Variants in ZNF333 observed in about 807,000 individuals in gnomAD.
ZNF333 encodes the protein zinc finger protein 333.
ZNF333 carries 61 observed loss-of-function variants against 76.1 expected under a neutral mutation model. The ratio of observed to expected loss-of-function variants is 0.80; its 90% CI spans 0.65 to 0.99. ZNF333 has a LOEUF of 0.99. ZNF333 is among the 50% of genes least tolerant of loss of function. ZNF333 has a pLI of 0.00. For synonymous variants in ZNF333, 284 were observed against 305.0 expected, an observed-to-expected ratio of 0.93 and a Z score of 0.72; for missense variants, 717 against 822.4, an observed-to-expected ratio of 0.87 and a Z score of 1.57.
At chr19:14,712,727 C>G (rs1448260608) in intron 7 of ZNF333, among the ~76,000 whole-genome samples, 1 of 152,064 alleles carries the variant, frequency 6.6e-6, no homozygotes, top group Non-Finnish European at 1.5e-5. Flanking sequence ...ATGGCTGTGT[C>G]ACCTCTGTGT....
chr19:14,693,718 C>T (rs1029401693), intron 2 of ZNF333, among the ~76,000 whole-genome samples: 5 of 152,170 alleles, frequency 3.3e-5, no homozygotes, highest in Admixed American at 1.3e-4. Context: ...GACCCTGGGG[C>T]TCTGAGCGGA....
chr19:14,709,260 C>T (rs1277239270), intron 7 of ZNF333: 1 of 152,280 alleles, frequency 6.6e-6, no homozygotes, highest in Non-Finnish European at 1.5e-5. Context: ...ATTCCCCAGT[C>T]TCAGGTAGTT....
At chr19:14,707,086 G>A (rs1414998306) in intron 7 of ZNF333, 1 of 289,096 alleles carries the variant, frequency 3.5e-6, no homozygotes, top group Non-Finnish European at 6.4e-6. Flanking sequence ...ACTAGAAATG[G>A]CCTGTGTTTT....
rs1043489102 is a variant in ZNF333, at chr19:14,701,754, C to A, written c.306+2473C>A. On this transcript the variant is annotated intron_variant, in intron 5 of 11. Coordinates refer to ENST00000292530, the MANE Select transcript of ZNF333 (RefSeq NM_032433.4). ...CATAATGGGTGCTGAGAGTGGCAGG[C>A]ATGGGGCTCTTGTTACATCAGAGCC... 1.3e-5 allele frequency: 13 copies of A among 985,558 alleles called. 1 individual carries two copies. Among genetic ancestry groups the A allele is most frequent in the Middle Eastern group, 5.2e-4 (1 of 1,914 alleles). The allele number at this position is 985,558 out of a possible 1,614,324, so 61.1% of individuals were successfully genotyped here.
chr19:14,696,276 C>T (rs1398176943), intron 4 of ZNF333, among the ~76,000 whole-genome samples: 1 of 152,132 alleles, frequency 6.6e-6, no homozygotes, highest in Non-Finnish European at 1.5e-5. Context: ...TAAACATCAC[C>T]ACTACCCAAT....
At chr19:14,724,921 A>G (rs114464535), downstream of ZNF333, among the ~76,000 whole-genome samples, 449 of 152,328 alleles carry the variant, frequency 2.9e-3, 3 homozygotes, top group African/African-American at 0.01. Context: ...GTAGGCAAAT[A>G]CCAAGCACTT....
chr19:14,695,538 C>G (rs372850674), intron 3 of ZNF333, 28 bp from the exon 4 acceptor site: 6 of 1,605,378 alleles, frequency 3.7e-6, no homozygotes, highest in South Asian at 1.1e-5. Flanking sequence ...CTCTCTCTCT[C>G]AGTGCCTGTG....
chr19:14,713,802 A>T (rs1426721595), intron 7 of ZNF333, among the ~76,000 whole-genome samples: 2 of 150,428 alleles, frequency 1.3e-5, no homozygotes, highest in Non-Finnish European at 3.0e-5. Flanking sequence ...CTAAAAAAAT[A>T]AAAAAAAAAT....
intron 4 of ZNF333, among the ~76,000 whole-genome samples, chr19:14,696,742 T>A (rs1973222501): frequency 6.9e-6 from 1 of 145,866 alleles, no homozygotes; most frequent in Non-Finnish European, 1.5e-5. Context: ...TTTTTTTTTT[T>A]TTTTTTTTTT....
chr19:14,703,059 C>T (rs1224525143), intron 5 of ZNF333, among the ~76,000 whole-genome samples: 1 of 151,892 alleles, frequency 6.6e-6, no homozygotes, highest in Non-Finnish European at 1.5e-5. Flanking sequence ...AAAAAATTAG[C>T]CGGGCGTGGT....
exon 12 of ZNF333, chr19:14,731,531 C>T (rs1415761144): frequency 1.1e-5 from 3 of 276,276 alleles, no homozygotes; most frequent in Non-Finnish European, 2.0e-5. Context: ...TGGACCCCCA[C>T]GGTGGAGAGC....
chr19:14,722,555 G>C (rs1274159198), downstream of ZNF333, among the ~76,000 whole-genome samples: 2 of 151,974 alleles, frequency 1.3e-5, no homozygotes, highest in Admixed American at 1.3e-4. Context: ...CCATTCTAGG[G>C]GTTACCTTTT....
chr19:14,695,016 G>A lies in ZNF333; in HGVS notation c.10G>A (p.Val4Ile), dbSNP rs141404811. Residue 4 changes from valine (V) to isoleucine (I), a missense_variant, in exon 3 of 12, where the codon GTC becomes ATC. Transcript: ENST00000292530. MES[V>I]TFEDVAVEFI... is the part of the protein sequence containing the mutation. ...AATGTGTGTGCTGTTTTAGGAATCC[G>A]TCACCTTTGAGGATGTGGCCGTGGA... is the stretch of plus-strand genomic sequence containing the variant. 3.3e-4 allele frequency: 539 copies of A among 1,614,154 alleles called. No individual in the cohort carries two copies. The African/African-American group carries it at 6.1e-3, about 18-fold the overall frequency.
At chr19:14,694,478 A>G (rs1204289648) in intron 2 of ZNF333, among the ~76,000 whole-genome samples, 1 of 127,902 alleles carries the variant, frequency 7.8e-6, no homozygotes, top group African/African-American at 3.0e-5. Context: ...CTCAAAAAAA[A>G]AAAAGAAAAA....
chr19:14,691,639 G>A (rs1324130127), intron 1 of ZNF333, among the ~76,000 whole-genome samples: 1 of 145,652 alleles, frequency 6.9e-6, no homozygotes, highest in Non-Finnish European at 1.5e-5. Context: ...GGCACTTTAA[G>A]TTATTCTTAT....
intron 7 of ZNF333, among the ~76,000 whole-genome samples, chr19:14,710,749 G>C (rs2042249940): frequency 6.6e-6 from 1 of 152,212 alleles, no homozygotes; most frequent in South Asian, 2.1e-4. Context: ...CTGCACTCCA[G>C]CCTGGGCGAC....
chr19:14,693,477 C>A lies in ZNF333; in HGVS notation c.-15C>A. 1 of 1,602,238 alleles carries A rather than the reference C, an allele frequency of 6.2e-7. No individual in the cohort carries two copies. The highest frequency in any genetic ancestry group is 8.5e-7 in the Non-Finnish European group (1 of 1,171,352). On this transcript the variant is annotated 5_prime_UTR_variant, in exon 2 of 12. Coordinates refer to ENST00000292530, the MANE Select transcript of ZNF333 (RefSeq NM_032433.4). ...GAGAACACCGACTGAGACCTCAAAC[C>A]CTGGCTCCAGTGTCATGGTGAGGAA...
Position 14,718,673 on chromosome 19 carries a change from C to G in ZNF333, c.1346C>G (p.Pro449Arg). Residue 449 changes from proline (P) to arginine (R), a missense_variant, in exon 12 of 12, where the codon CCC becomes CGC. Physicochemically the swap from Pro to Arg is moderately radical, Grantham distance 103. Transcript: ENST00000292530. The stretch of plus-strand genomic sequence containing the variant: ...CAGAGAAACCACACAGGAGAGAAGC[C>G]CTACGAGTGTAAAGATTGTGGGAAA... ...LHQRNHTGEK[P>R]YECKDCGKAF... 1 of 1,613,936 alleles carries G rather than the reference C, an allele frequency of 6.2e-7. No homozygotes were observed. Among genetic ancestry groups the G allele is most frequent in the East Asian group, 2.2e-5 (1 of 44,882 alleles).
chr19:14,712,561 A>T (rs534429538), intron 7 of ZNF333, among the ~76,000 whole-genome samples: 2 of 152,074 alleles, frequency 1.3e-5, no homozygotes, highest in East Asian at 3.9e-4. Flanking sequence ...ACAATTTAGG[A>T]TACCAAAAGT....
Sources: gnomAD v4.1 joint callset for allele counts (sites outside exome capture counted in the v4.1 genomes callset) on GRCh38, gnomAD v4.1.1 for gene constraint, MANE v1.5 for transcripts, NCBI Gene and HGNC (gene_info 2026-07-23, HGNC 2026-07-21) for gene names.